The following EYS variants were observed in gnomAD, a reference collection of about 807,000 sequenced individuals.
The protein encoded by EYS is EGF-like photoreceptor maintenance factor, also known as protein eyes shut homolog.
A neutral mutation model predicts 282.1 loss-of-function variants in EYS; 250 were observed. That is an observed-to-expected ratio of 0.89 (90% confidence interval 0.80 to 0.98). The LOEUF (loss-of-function observed/expected upper bound fraction) is 0.98. EYS is among the 50% of genes least tolerant of loss of function. EYS has a pLI of 0.00. For missense variants in EYS, 4,016 were observed against 3,709.0 expected (o/e 1.08, Z -2.15); for synonymous variants, 1,355 against 1,282.9 (o/e 1.06, Z -1.20).
intron 19 of EYS, among the ~76,000 whole-genome samples, chr6:64,860,895 T>A (rs1766215116): frequency 6.6e-6 from 1 of 152,174 alleles, no homozygotes; most frequent in South Asian, 2.1e-4. Flanking sequence ...TCCCATCATG[T>A]CCTGGAGTCT....
Position 65,259,090 on chromosome 6 carries a change from A to C in EYS, c.2023+36773T>G, listed in dbSNP as rs1767547864. ...TTTAAATATTTTCATAAAGATTTAAAATGACAAATCCTAGATGGTAGACAT... is the reference window on the plus strand; with the variant it reads ...TTTAAATATTTTCATAAAGATTTAACATGACAAATCCTAGATGGTAGACAT... On this transcript the variant is annotated intron_variant, in intron 12 of 42. Coordinates refer to ENST00000503581, the MANE Select transcript of EYS (RefSeq NM_001142800.2). Among the ~76,000 whole-genome samples, 3 of 152,108 alleles carry C rather than the reference A, an allele frequency of 2.0e-5. No individual in the cohort carries two copies. In the South Asian group the frequency reaches 6.2e-4, roughly 31 times the overall value.
chr6:65,688,962 G>T (rs1395192458), intron 1 of EYS, among the ~76,000 whole-genome samples: 1 of 151,308 alleles, frequency 6.6e-6, no homozygotes, highest in African/African-American at 2.4e-5. Flanking sequence ...GGAAGTCAAT[G>T]TGGCGATTCC....
intron 12 of EYS, among the ~76,000 whole-genome samples, chr6:65,197,465 G>T (rs551462992): frequency 6.6e-6 from 1 of 152,212 alleles, no homozygotes; most frequent in South Asian, 2.1e-4. Context: ...CAGAAAGGTG[G>T]TCAGTGGTTT....
At chr6:65,017,390 TA>T (rs1294472240) in intron 13 of EYS, among the ~76,000 whole-genome samples, 2 of 152,220 alleles carry the variant, frequency 1.3e-5, no homozygotes, top group Admixed American at 6.5e-5. Context: ...TTTATTGTTT[TA>T]AAAAGCATAC....
intron 14 of EYS, among the ~76,000 whole-genome samples, chr6:64,987,824 G>T (rs4140404): frequency 0.95 from 144,533 of 151,564 alleles, 69,004 homozygotes; most frequent in African/African-American, 0.99. Context: ...ATTGTATATA[G>T]TAATAAGAAT....
At chr6:65,524,648 G>A (rs1375757927) in intron 2 of EYS, among the ~76,000 whole-genome samples, 1 of 152,160 alleles carries the variant, frequency 6.6e-6, no homozygotes, top group Non-Finnish European at 1.5e-5. Flanking sequence ...AAATCTATGA[G>A]TGTGGTTTCA....
At chr6:64,922,157 T>A (rs1254030955) in intron 15 of EYS, among the ~76,000 whole-genome samples, 1 of 152,060 alleles carries the variant, frequency 6.6e-6, no homozygotes, top group Non-Finnish European at 1.5e-5. Flanking sequence ...ATAAATCCAT[T>A]CTCCCTCTCT....
chr6:64,219,919 A>C (rs1251949434), intron 31 of EYS, among the ~76,000 whole-genome samples: 1 of 151,156 alleles, frequency 6.6e-6, no homozygotes, highest in Non-Finnish European at 1.5e-5. Flanking sequence ...TTCTCAGCAA[A>C]CTACTGCAAG....
chr6:65,658,949 G>A (rs1025287345), intron 1 of EYS, among the ~76,000 whole-genome samples: 1 of 151,146 alleles, frequency 6.6e-6, no homozygotes, highest in African/African-American at 2.4e-5. Context: ...GGTCTAGAAG[G>A]TTTGTTTAGC....
At chr6:64,305,346 C>T (rs1353088479) in intron 30 of EYS, among the ~76,000 whole-genome samples, 2 of 86,624 alleles carry the variant, frequency 2.3e-5, no homozygotes, top group African/African-American at 9.5e-5. Context: ...CCAACAAAAT[C>T]CCAGTGATTT....
At chr6:65,373,755 A>G (rs1765251706) in intron 8 of EYS, among the ~76,000 whole-genome samples, 1 of 152,132 alleles carries the variant, frequency 6.6e-6, no homozygotes, top group South Asian at 2.1e-4. Flanking sequence ...TAATTTGATT[A>G]ATTTTCCTTT....
chr6:64,776,720 G>T (rs998524676), intron 22 of EYS, among the ~76,000 whole-genome samples: 12 of 152,082 alleles, frequency 7.9e-5, no homozygotes, highest in African/African-American at 2.7e-4. Context: ...TAATGCTTTT[G>T]GTGCTTAGGG....
chr6:65,415,846 T>C (rs909977740), intron 5 of EYS, among the ~76,000 whole-genome samples: 8 of 152,042 alleles, frequency 5.3e-5, no homozygotes, highest in African/African-American at 1.9e-4. Flanking sequence ...TAGAAAAACC[T>C]ATCAAAATTT....
chr6:65,526,411 C>T (rs890571287), intron 2 of EYS, among the ~76,000 whole-genome samples: 1 of 152,152 alleles, frequency 6.6e-6, no homozygotes, highest in African/African-American at 2.4e-5. Context: ...GATGCCATCA[C>T]TCTTCTTATC....
chr6:64,694,316 A>G (rs1451089039), intron 22 of EYS, among the ~76,000 whole-genome samples: 1 of 152,192 alleles, frequency 6.6e-6, no homozygotes, highest in Non-Finnish European at 1.5e-5. Context: ...TTTTAAAAAT[A>G]AGGCAGAAAA....
In EYS at chr6:64,532,389, C is replaced by T. The variant is rs12204250; in HGVS notation, c.5644+57834G>A. On this transcript the variant is annotated intron_variant, in intron 26 of 42. Transcript: ENST00000503581. ...GTTAAATCAGGCTCCCTCAGTTTGG[C>T]AAACTAGGAAAATTACAGGAAACAT... Among the ~76,000 whole-genome samples, 224 of 152,238 alleles carry T rather than the reference C, an allele frequency of 1.5e-3. 2 individuals carry two copies. The highest frequency in any genetic ancestry group is 3.4e-3 in the Middle Eastern group (1 of 294).
In EYS at chr6:64,686,481, C is replaced by T. The variant is rs555595718; in HGVS notation, c.3444-60236G>A. The stretch of plus-strand genomic sequence containing the variant: ...AATAGGGTGAGCGCGGTGGCTCACG[C>T]GTGTTATCCCAGCTCTTTGGGAGGC... On this transcript the variant is annotated intron_variant, in intron 22 of 42. Coordinates refer to ENST00000503581, the MANE Select transcript of EYS (RefSeq NM_001142800.2). Among the ~76,000 whole-genome samples the T allele has an allele frequency of 5.3e-5, 8 of 151,350 alleles. No homozygotes were observed. In the East Asian group the frequency reaches 1.2e-3, roughly 22 times the overall value.
intron 29 of EYS, among the ~76,000 whole-genome samples, chr6:64,355,355 T>TA (rs1771788607): frequency 1.3e-5 from 2 of 151,588 alleles, no homozygotes; most frequent in Non-Finnish European, 3.0e-5. Context: ...ATGGGAATAA[T>TA]AAATCATCTA....
chr6:65,495,698 A>C (rs1356409100), intron 3 of EYS, 91 bp from the exon 4 acceptor site: 1 of 461,472 alleles, frequency 2.2e-6, no homozygotes, highest in Admixed American at 3.7e-5. Flanking sequence ...ATTTCATAAG[A>C]GCCTACACTG....
Sources: allele counts gnomAD v4.1 joint callset (sites outside exome capture counted in the v4.1 genomes callset), GRCh38; gene constraint gnomAD v4.1.1; transcripts MANE v1.5; gene names NCBI Gene and HGNC (gene_info 2026-07-23, HGNC 2026-07-21).